OXR1: variants seen among roughly 807,000 people sequenced by gnomAD.
The protein encoded by OXR1 is oxidation resistance 1, also known as oxidation resistance protein 1.
A neutral mutation model predicts 104.6 loss-of-function variants in OXR1; 41 were observed. The observed-to-expected ratio is 0.39, with a 90% confidence interval of 0.31 to 0.51. The LOEUF is 0.51. Ranked by LOEUF, OXR1 falls within the 20% of genes least tolerant of loss-of-function variation. OXR1 has a pLI of 0.77. For synonymous variants in OXR1, 348 were observed against 348.4 expected (o/e 1.00, Z 0.01); for missense variants, 955 against 1,031.9 (o/e 0.93, Z 1.02).
intron 6 of OXR1, among the ~76,000 whole-genome samples, chr8:106,687,565 CA>C (rs1203270662): frequency 6.6e-6 from 1 of 151,988 alleles, no homozygotes; most frequent in East Asian, 1.9e-4. Context: ...ACTAAAAATA[CA>C]AAAATTAGCC....
Position 106,341,390 on chromosome 8 carries a change from C to CATATAT in OXR1, c.-138-18074_-138-18069dup, listed in dbSNP as rs138432601. On this transcript the variant is annotated intron_variant, in intron 1 of 16. Transcript: ENST00000517566. ...CTCATTTATTCAATTAGTCAATCTA[C>CATATAT]ATATATATATATATATACTTTCTAA... Among the ~76,000 whole-genome samples the CATATAT allele has an allele frequency of 9.4e-3, 1,366 of 145,950 alleles. 23 individuals are homozygous for CATATAT. The highest frequency in any genetic ancestry group is 0.032 in the African/African-American group (1,280 of 39,418).
chr8:106,526,554 G>GT (rs1361360144), intron 3 of OXR1, among the ~76,000 whole-genome samples: 3 of 152,280 alleles, frequency 2.0e-5, no homozygotes, highest in African/African-American at 4.8e-5. Flanking sequence ...TTTTTTGTTT[G>GT]TTTTTTGAGA....
At chr8:106,602,668 T>C (rs910942459) in intron 3 of OXR1, among the ~76,000 whole-genome samples, 1 of 152,216 alleles carries the variant, frequency 6.6e-6, no homozygotes, top group Non-Finnish European at 1.5e-5. Context: ...CATATACATA[T>C]GTATGTGTAT....
chr8:106,646,272 A>G (rs1336383945), intron 3 of OXR1, among the ~76,000 whole-genome samples: 1 of 151,756 alleles, frequency 6.6e-6, no homozygotes, highest in African/African-American at 2.4e-5. Flanking sequence ...AGCCTGACTA[A>G]TTTTTGTAAT....
intron 2 of OXR1, among the ~76,000 whole-genome samples, chr8:106,512,680 G>A (rs1239741111): frequency 1.3e-5 from 2 of 152,254 alleles, no homozygotes; most frequent in East Asian, 3.9e-4. Context: ...ATTAAGAGAT[G>A]CAGAGCATGA....
intron 2 of OXR1, among the ~76,000 whole-genome samples, chr8:106,435,892 A>G (rs940413968): frequency 1.3e-5 from 2 of 152,142 alleles, no homozygotes; most frequent in African/African-American, 2.4e-5. Context: ...TGGTCATACA[A>G]ATATGACCAA....
chr8:106,540,352 A>G (rs2130319662), intron 3 of OXR1, among the ~76,000 whole-genome samples: 1 of 152,324 alleles, frequency 6.6e-6, no homozygotes, highest in East Asian at 1.9e-4. Flanking sequence ...AAAAAGGACT[A>G]TATGAAAATA....
intron 3 of OXR1, among the ~76,000 whole-genome samples, chr8:106,614,387 G>A (rs1018742126): frequency 4.6e-5 from 7 of 152,108 alleles, no homozygotes; most frequent in Non-Finnish European, 8.8e-5. Context: ...AGATAAGTCC[G>A]CTAGGATATA....
chr8:106,282,987 G>A (rs997681084), intron 1 of OXR1, among the ~76,000 whole-genome samples: 4 of 152,164 alleles, frequency 2.6e-5, no homozygotes, highest in African/African-American at 4.8e-5. Context: ...AGAGGGATTC[G>A]TAGATGAAGA....
chr8:106,627,107 G>A (rs1822237958), intron 3 of OXR1, among the ~76,000 whole-genome samples: 1 of 152,000 alleles, frequency 6.6e-6, no homozygotes, highest in Admixed American at 6.6e-5. Context: ...AAGCAAAATT[G>A]GATTGGAAGC....
chr8:106,509,035 A>G (rs1812354716), intron 2 of OXR1, among the ~76,000 whole-genome samples: 1 of 152,244 alleles, frequency 6.6e-6, no homozygotes, highest in African/African-American at 2.4e-5. Context: ...ATTGGATAAA[A>G]GCCTAAAGTC....
rs115151841 is a variant in OXR1, at chr8:106,549,175, C to A, written c.220+30036C>A. Among the ~76,000 whole-genome samples the A allele has an allele frequency of 6.6e-3, 1,001 of 151,930 alleles. 10 individuals are homozygous for A. Among genetic ancestry groups the A allele is most frequent in the African/African-American group, 0.023 (961 of 41,442 alleles). ...AATGCTCCTTGAAGCAAAGGAAATT[C>A]TTATGTCACAAATCCTACTGCAAAA... On this transcript the variant is annotated intron_variant, in intron 3 of 16. Coordinates refer to ENST00000517566, the MANE Select transcript of OXR1 (RefSeq NM_001198533.2).
At chr8:106,304,594 C>T (rs938198335) in intron 1 of OXR1, among the ~76,000 whole-genome samples, 4 of 150,904 alleles carry the variant, frequency 2.7e-5, no homozygotes, top group East Asian at 1.9e-4. Flanking sequence ...TCTAGCTCAA[C>T]GTGTCAAAAA....
intron 7 of OXR1, chr8:106,697,735 A>T (rs953932262): frequency 6.2e-7 from 1 of 1,613,892 alleles, no homozygotes. Context: ...GAACTGAGAG[A>T]TCTTCTCCAT....
intron 1 of OXR1, among the ~76,000 whole-genome samples, chr8:106,335,862 G>A (rs548398407): frequency 2.6e-5 from 4 of 152,216 alleles, no homozygotes; most frequent in Admixed American, 6.5e-5. Context: ...TTGGGAAGCC[G>A]AGGCAGGTGG....
At position 106,354,739 on chromosome 8, in the gene OXR1, T is replaced by G. The variant is rs994348738; in HGVS notation, c.-138-4737T>G. Among the ~76,000 whole-genome samples, 3 of 152,272 alleles carry G rather than the reference T, an allele frequency of 2.0e-5. No individual in the cohort carries two copies. The South Asian group carries it at 6.2e-4, about 32-fold the overall frequency. On this transcript the variant is annotated intron_variant, in intron 1 of 16. Transcript: ENST00000517566. ...TACTTAAACTGATATTCACAGAATT[T>G]TAAGATCTTAATGATACAGCAGCAT...
chr8:106,748,155 G>C (rs968071973), intron 16 of OXR1, among the ~76,000 whole-genome samples: 1 of 152,116 alleles, frequency 6.6e-6, no homozygotes, highest in African/African-American at 2.4e-5. Flanking sequence ...ATTCAAATGC[G>C]TTTCTAATTT....
In OXR1 at chr8:106,706,598, A is replaced by G; in HGVS notation, c.1077A>G (p.Gln359=). 4 of 1,612,960 alleles carry G rather than the reference A, an allele frequency of 2.5e-6. No homozygotes were observed. The highest frequency in any genetic ancestry group is 3.4e-6 in the Non-Finnish European group (4 of 1,179,730). ...EELVSSDELR[Q]DKSSGASSES... Reference sequence around the variant, plus strand: ...TTGTATCTTCAGATGAACTGCGACAAGATAAATCTTCTGGTGCGTCATCAG... The same window carrying G: ...TTGTATCTTCAGATGAACTGCGACAGGATAAATCTTCTGGTGCGTCATCAG... Residue 359 remains glutamine, a synonymous_variant, in exon 9 of 17, where the codon CAA becomes CAG. Transcript: ENST00000517566.
intron 3 of OXR1, among the ~76,000 whole-genome samples, chr8:106,647,662 G>A (rs1824197494): frequency 6.6e-6 from 1 of 152,178 alleles, no homozygotes; most frequent in Non-Finnish European, 1.5e-5. Flanking sequence ...TTGTCAGTCT[G>A]CTTTATTGAT....
Sources: gnomAD v4.1 joint callset for allele counts (sites outside exome capture counted in the v4.1 genomes callset) on GRCh38, gnomAD v4.1.1 for gene constraint, MANE v1.5 for transcripts, NCBI Gene and HGNC (gene_info 2026-07-23, HGNC 2026-07-21) for gene names.